The following RAD51B variants were observed in gnomAD, a reference collection of about 807,000 sequenced individuals.
The protein encoded by RAD51B is DNA repair protein RAD51 homolog 2.
In RAD51B, 38 loss-of-function variants were observed where a neutral mutation model predicts 42.2. The observed-to-expected ratio is 0.90, with a 90% CI of 0.70 to 1.18. The LOEUF (loss-of-function observed/expected upper bound fraction) is 1.18. Among genes scored for constraint, RAD51B ranks in the 50% most tolerant of loss-of-function variants. RAD51B has a pLI of 0.00. For missense variants in RAD51B, 373 were observed against 400.7 expected (o/e 0.93, Z 0.59); for synonymous variants, 154 against 145.2 (o/e 1.06, Z -0.43).
chr14:67,933,368 T>G (rs143033956), intron 7 of RAD51B, among the ~76,000 whole-genome samples: 4 of 152,122 alleles, frequency 2.6e-5, no homozygotes, highest in African/African-American at 9.7e-5. Context: ...GATTTCCAGG[T>G]CAGGATGCAG....
chr14:68,541,220 G>T (rs1393687924), intron 10 of RAD51B: 4 of 985,266 alleles, frequency 4.1e-6, no homozygotes, highest in Non-Finnish European at 4.8e-6. Flanking sequence ...CTCCGTTCGG[G>T]CTCCTCTTTT....
intron 7 of RAD51B, among the ~76,000 whole-genome samples, chr14:68,276,255 G>A (rs373299640): frequency 4.6e-5 from 7 of 152,178 alleles, no homozygotes; most frequent in African/African-American, 1.7e-4. Flanking sequence ...AACTCTCAAT[G>A]TCCAAATTGG....
rs192467985 is a variant in RAD51B at position 68,182,798 on chromosome 14, G to A, written c.757-109086G>A. Among the ~76,000 whole-genome samples the A allele has an allele frequency of 1.5e-4, 23 of 152,258 alleles. No homozygotes were observed. The East Asian group carries it at 4.4e-3, about 29-fold the overall frequency. On this transcript the variant is annotated intron_variant, in intron 7 of 10. Coordinates refer to ENST00000471583, the MANE Select transcript of RAD51B (RefSeq NM_133510.4). Reference sequence around the variant, plus strand: ...ATGCCTAGTTTCTTAGCGATTTAAGGCGCATAGACTCTCTGTGACTACACC... The same window carrying A: ...ATGCCTAGTTTCTTAGCGATTTAAGACGCATAGACTCTCTGTGACTACACC...
chr14:68,431,812 T>G (rs1408589644), intron 9 of RAD51B, among the ~76,000 whole-genome samples: 2 of 152,224 alleles, frequency 1.3e-5, no homozygotes, highest in Non-Finnish European at 2.9e-5. Flanking sequence ...TGTGTTGTTC[T>G]TGCTTCTCTA....
At chr14:68,487,078 AC>A (rs1450717642) in intron 10 of RAD51B, among the ~76,000 whole-genome samples, 1 of 152,240 alleles carries the variant, frequency 6.6e-6, no homozygotes, top group African/African-American at 2.4e-5. Flanking sequence ...GGGCACATGG[AC>A]AACAGTTCCT....
At chr14:67,926,108 C>T (rs909904737) in intron 7 of RAD51B, among the ~76,000 whole-genome samples, 1 of 152,180 alleles carries the variant, frequency 6.6e-6, no homozygotes, top group Non-Finnish European at 1.5e-5. Context: ...ACATTTGGCC[C>T]CTTATTACTT....
chr14:68,464,110 T>C (rs917539986), intron 9 of RAD51B, among the ~76,000 whole-genome samples: 5 of 152,244 alleles, frequency 3.3e-5, no homozygotes, highest in African/African-American at 1.2e-4. Context: ...CCAAACAATG[T>C]GTAGGATTTG....
rs111665583 is a variant in RAD51B at position 68,630,495 on chromosome 14, T to C, written c.1037-20286T>C. ...AGCTATAAAATAGCATGGCCGTCCC[T>C]ACCCCACCCCCCATGCACCTCCGGA... On this transcript the variant is annotated intron_variant, in intron 10 of 11. Transcript: ENST00000488612. Among the ~76,000 whole-genome samples the C allele has an allele frequency of 2.0e-5, 3 of 152,238 alleles. 1 individual carries two copies. Among genetic ancestry groups the C allele is most frequent in the African/African-American group, 7.2e-5 (3 of 41,536 alleles).
intron 4 of RAD51B, among the ~76,000 whole-genome samples, chr14:67,838,572 A>T (rs1167505439): frequency 6.6e-6 from 1 of 152,072 alleles, no homozygotes; most frequent in Non-Finnish European, 1.5e-5. Context: ...CCTCCCAAGT[A>T]GCTAGGACTA....
chr14:68,622,721 T>TAC (rs1555432568), intron 10 of RAD51B, among the ~76,000 whole-genome samples: 2 of 46,490 alleles, frequency 4.3e-5, no homozygotes, highest in Non-Finnish European at 8.0e-5. Context: ...TGTATCCATT[T>TAC]ACAAAAAAAA....
At chr14:67,920,375 A>C (rs1001094872) in intron 7 of RAD51B, among the ~76,000 whole-genome samples, 1 of 152,136 alleles carries the variant, frequency 6.6e-6, no homozygotes, top group Non-Finnish European at 1.5e-5. Context: ...ATGTTGCCTA[A>C]TTAGTTATAA....
Position 68,243,837 on chromosome 14 carries a change from C to T in RAD51B, c.757-48047C>T, listed in dbSNP as rs573661475. 5.3e-5 allele frequency among the ~76,000 whole-genome samples: 8 copies of T among 152,302 alleles called. No individual in the cohort carries two copies. The East Asian group carries it at 1.2e-3, about 22-fold the overall frequency. On this transcript the variant is annotated intron_variant, in intron 7 of 10. Coordinates refer to ENST00000471583, the MANE Select transcript of RAD51B (RefSeq NM_133510.4). Reference sequence around the variant, plus strand: ...CCTTTCATTTCTGCTGGTATTTCATCATTATGGGTGCATCCCAATCTAATT... The same window carrying T: ...CCTTTCATTTCTGCTGGTATTTCATTATTATGGGTGCATCCCAATCTAATT...
At chr14:68,394,901 C>A (rs961272885) in intron 8 of RAD51B, among the ~76,000 whole-genome samples, 14 of 152,180 alleles carry the variant, frequency 9.2e-5, no homozygotes, top group Admixed American at 4.6e-4. Flanking sequence ...CTCCAGCCCC[C>A]CTCACCCCCG....
chr14:68,340,853 T>C (rs1035808685), intron 8 of RAD51B, among the ~76,000 whole-genome samples: 1 of 152,254 alleles, frequency 6.6e-6, no homozygotes, highest in Non-Finnish European at 1.5e-5. Flanking sequence ...AAGTAAAATA[T>C]GAAAGCAATG....
intron 7 of RAD51B, among the ~76,000 whole-genome samples, chr14:68,084,915 G>A (rs932010546): frequency 6.6e-6 from 1 of 152,190 alleles, no homozygotes; most frequent in Non-Finnish European, 1.5e-5. Flanking sequence ...CTATAACATT[G>A]GTGAGAAATG....
intron 9 of RAD51B, among the ~76,000 whole-genome samples, chr14:68,463,650 A>G (rs796079476): frequency 9.2e-5 from 14 of 152,252 alleles, no homozygotes; most frequent in African/African-American, 3.4e-4. Flanking sequence ...CACATAGTAT[A>G]TACTAGTATA....
chr14:68,062,212 G>A (rs1451543124), intron 7 of RAD51B, among the ~76,000 whole-genome samples: 1 of 152,116 alleles, frequency 6.6e-6, no homozygotes, highest in Non-Finnish European at 1.5e-5. Context: ...ATTTGCATAT[G>A]TTGAACCATT....
At chr14:68,077,763 C>G (rs1054198714) in intron 7 of RAD51B, among the ~76,000 whole-genome samples, 1 of 152,208 alleles carries the variant, frequency 6.6e-6, no homozygotes, top group Non-Finnish European at 1.5e-5. Context: ...TGAGACCAAC[C>G]TGACCAACAT....
At chr14:67,953,992 G>A (rs17104799) in intron 7 of RAD51B, among the ~76,000 whole-genome samples, 10,437 of 152,142 alleles carry the variant, frequency 0.069, 869 homozygotes, top group African/African-American at 0.2. Flanking sequence ...GAAGGTGGCA[G>A]AAGTGGTCAA....
Sources: allele counts gnomAD v4.1 joint callset (sites outside exome capture counted in the v4.1 genomes callset), GRCh38; gene constraint gnomAD v4.1.1; transcripts MANE v1.5; gene names NCBI Gene and HGNC (gene_info 2026-07-23, HGNC 2026-07-21).